TXNDC11: variants seen among roughly 807,000 people sequenced by gnomAD.
TXNDC11 encodes the protein thioredoxin domain containing 11, also known as thioredoxin domain-containing protein 11.
TXNDC11 carries 68 observed loss-of-function variants against 78.0 expected under a neutral mutation model. The observed-to-expected ratio is 0.87, with a 90% CI of 0.72 to 1.07. The LOEUF (loss-of-function observed/expected upper bound fraction) is 1.07. Among genes scored for constraint, TXNDC11 ranks in the 50% least tolerant of loss-of-function variants. The pLI is 0.00. For missense variants in TXNDC11, 1,389 were observed against 1,221.8 expected (o/e 1.14, Z -2.04); for synonymous variants, 571 against 495.2 (o/e 1.15, Z -2.03).
At chr16:11,714,581 A>T (rs1193418604) in intron 5 of TXNDC11, among the ~76,000 whole-genome samples, 3 of 151,946 alleles carry the variant, frequency 2.0e-5, no homozygotes, top group African/African-American at 7.3e-5. Flanking sequence ...CGGAGGTTGC[A>T]GTGAGCCGAG....
Position 11,700,337 on chromosome 16 carries a change from A to G in TXNDC11, c.906+115T>C, listed in dbSNP as rs184260811. 2.8e-4 allele frequency: 140 copies of G among 507,294 alleles called. 1 individual carries two copies. The East Asian group carries it at 4.4e-3, about 16-fold the overall frequency. 31.4% of individuals were successfully genotyped at this position (507,294 alleles called of 1,614,324 possible). A position where few individuals can be genotyped will look rare whatever the true frequency, so the allele number is the denominator to read the frequency against. ...GAACTCTCCATCCATATATAAAATCATATGCGCTTTTCTAGAGAGTGTCCA... is the reference window on the plus strand; with the variant it reads ...GAACTCTCCATCCATATATAAAATCGTATGCGCTTTTCTAGAGAGTGTCCA... On this transcript the variant is annotated intron_variant, in intron 6 of 11. Coordinates refer to ENST00000283033, the MANE Select transcript of TXNDC11 (RefSeq NM_015914.7).
chr16:11,726,300 C>T lies in TXNDC11; in HGVS notation c.699+4345G>A, dbSNP rs532786322. Among the ~76,000 whole-genome samples the T allele has an allele frequency of 2.6e-5, 4 of 152,172 alleles. No homozygotes were observed. The South Asian group carries it at 6.2e-4, about 24-fold the overall frequency. On this transcript the variant is annotated intron_variant, in intron 4 of 11. Transcript: ENST00000283033. ...CCATTGGTTAAAAACTTCCACTCTT[C>T]GGCCGTGTGCGGTGCCTCACGCCTG...
intron 5 of TXNDC11, among the ~76,000 whole-genome samples, chr16:11,714,169 T>G (rs1411258822): frequency 6.6e-6 from 1 of 152,064 alleles, no homozygotes; most frequent in Non-Finnish European, 1.5e-5. Context: ...AGCCCCTAAG[T>G]AGCTGCAACT....
At chr16:11,738,594 A>G (rs1023064887) in intron 1 of TXNDC11, among the ~76,000 whole-genome samples, 6 of 152,100 alleles carry the variant, frequency 3.9e-5, no homozygotes, top group Admixed American at 1.3e-4. Context: ...GGGAGGTGCT[A>G]TAATTTAAGC....
At chr16:11,713,409 T>A (rs757972366) in intron 5 of TXNDC11, among the ~76,000 whole-genome samples, 68 of 152,106 alleles carry the variant, frequency 4.5e-4, no homozygotes, top group Non-Finnish European at 7.9e-4. Context: ...GGACATAAAG[T>A]ATGGAATTTT....
Position 11,691,681 on chromosome 16 carries a change from G to C in TXNDC11, c.1509C>G (p.Ser503Arg), listed in dbSNP as rs779169709. Residue 503 changes from serine to arginine, a missense_variant, in exon 8 of 12, where the codon AGC (serine) becomes AGG (arginine). Coordinates refer to ENST00000283033, the MANE Select transcript of TXNDC11 (RefSeq NM_015914.7). The part of the protein sequence containing the change: ...SNFLTSYSPF[S>R]YYTACCRTIS... Reference sequence around the variant, plus strand: ...TGGTCCTGCAACATGCAGTGTAGTAGCTGAAGGGGCTATAGGAAGTTAAAA... The same window carrying C: ...TGGTCCTGCAACATGCAGTGTAGTACCTGAAGGGGCTATAGGAAGTTAAAA... 1 of 1,614,096 alleles carries C rather than the reference G, an allele frequency of 6.2e-7. No individual in the cohort carries two copies. The highest frequency in any genetic ancestry group is 1.3e-5 in the African/African-American group (1 of 74,942).
chr16:11,735,062 A>C (rs2052180760), intron 2 of TXNDC11, among the ~76,000 whole-genome samples: 1 of 152,190 alleles, frequency 6.6e-6, no homozygotes, highest in African/African-American at 2.4e-5. Flanking sequence ...ACCTAGCTCC[A>C]TTTTACATGT....
At chr16:11,733,526 C>CAA (rs1044396787) in intron 3 of TXNDC11, among the ~76,000 whole-genome samples, 12 of 135,428 alleles carry the variant, frequency 8.9e-5, no homozygotes, top group Non-Finnish European at 1.8e-4. Flanking sequence ...GACTCCGTCT[C>CAA]AAAAAAAAAA....
chr16:11,702,216 T>A (rs1307746534), intron 5 of TXNDC11, among the ~76,000 whole-genome samples: 1 of 152,034 alleles, frequency 6.6e-6, no homozygotes, highest in Non-Finnish European at 1.5e-5. Context: ...AGGGACCTTA[T>A]CCTTATGTGT....
chr16:11,698,063 G>A (rs1346702109), intron 7 of TXNDC11, 62 bp downstream of exon 7: 29 of 1,502,276 alleles, frequency 1.9e-5, no homozygotes, highest in Non-Finnish European at 2.6e-5. Flanking sequence ...TGGGATGAGA[G>A]GAGCCAGGTA....
At chr16:11,729,003 TC>T (rs1391687147) in intron 4 of TXNDC11, among the ~76,000 whole-genome samples, 1 of 151,566 alleles carries the variant, frequency 6.6e-6, no homozygotes, top group African/African-American at 2.4e-5. Flanking sequence ...CATCTCTAAA[TC>T]AATCAATCAA....
At chr16:11,708,412 T>C (rs1226845798) in intron 5 of TXNDC11, among the ~76,000 whole-genome samples, 1 of 152,208 alleles carries the variant, frequency 6.6e-6, no homozygotes, top group Admixed American at 6.5e-5. Flanking sequence ...GCTTCTGAAA[T>C]TAATTCTCTC....
chr16:11,725,245 T>A (rs1211240549), intron 4 of TXNDC11, among the ~76,000 whole-genome samples: 1 of 152,102 alleles, frequency 6.6e-6, no homozygotes, highest in African/African-American at 2.4e-5. Flanking sequence ...TAATCCCAGT[T>A]CTGCAGAATA....
intron 5 of TXNDC11, among the ~76,000 whole-genome samples, chr16:11,718,700 G>A (rs527770561): frequency 1.3e-5 from 2 of 151,962 alleles, no homozygotes; most frequent in African/African-American, 2.4e-5. Flanking sequence ...AAAAAAATGG[G>A]GTGAAAAGGA....
At chr16:11,727,684 C>T (rs186986259) in intron 4 of TXNDC11, among the ~76,000 whole-genome samples, 60 of 138,634 alleles carry the variant, frequency 4.3e-4, no homozygotes, top group Non-Finnish European at 6.3e-4. Flanking sequence ...CCACCATAAC[C>T]TTCCACCATT....
chr16:11,709,497 C>T (rs1320521453), intron 5 of TXNDC11, among the ~76,000 whole-genome samples: 2 of 128,370 alleles, frequency 1.6e-5, no homozygotes, highest in Admixed American at 8.9e-5. Context: ...TGCAGTGGCG[C>T]GATCTCGGCT....
At chr16:11,727,034 C>T (rs1353268275) in intron 4 of TXNDC11, among the ~76,000 whole-genome samples, 1 of 152,116 alleles carries the variant, frequency 6.6e-6, no homozygotes, top group African/African-American at 2.4e-5. Context: ...GCCTGGGAGA[C>T]AGAGCGAGAC....
chr16:11,691,248 G>T (rs776704114), intron 8 of TXNDC11, 42 bp downstream of exon 8: 1 of 1,537,196 alleles, frequency 6.5e-7, no homozygotes, highest in Non-Finnish European at 8.8e-7. Context: ...ATGAAGTCAA[G>T]CAAAATGTAC....
At chr16:11,699,134 T>A (rs2050939334) in intron 6 of TXNDC11, among the ~76,000 whole-genome samples, 1 of 152,238 alleles carries the variant, frequency 6.6e-6, no homozygotes, top group Middle Eastern at 3.2e-3. Flanking sequence ...TAACAGAGAC[T>A]AACCACTGCT....
Sources: allele counts gnomAD v4.1 joint callset (sites outside exome capture counted in the v4.1 genomes callset), GRCh38; gene constraint gnomAD v4.1.1; transcripts MANE v1.5; gene names NCBI Gene and HGNC (gene_info 2026-07-23, HGNC 2026-07-21).